QRICH2: variants seen among roughly 807,000 people sequenced by gnomAD.
QRICH2 encodes the protein glutamine rich 2.
A neutral mutation model predicts 168.3 loss-of-function variants in QRICH2; 119 were observed. That is an observed-to-expected ratio of 0.71 (90% CI 0.61 to 0.82). The LOEUF (loss-of-function observed/expected upper bound fraction) is 0.82, where lower values mean the gene tolerates loss of function less well. Among genes scored for constraint, QRICH2 ranks in the 40% least tolerant of loss-of-function variants. QRICH2 has a pLI of 0.00. For missense variants in QRICH2, 2,241 were observed against 2,491.6 expected (o/e 0.90, Z 2.14); for synonymous variants, 894 against 951.2 (o/e 0.94, Z 1.11).
intron 6 of QRICH2, 54 bp downstream of exon 6, chr17:76,287,746 G>T: frequency 7.3e-7 from 1 of 1,372,906 alleles, no homozygotes; most frequent in Non-Finnish European, 1.0e-6. Flanking sequence ...TCACCTCCTT[G>T]GCTGAGAATT....
At chr17:76,284,765 C>T (rs934446169) in intron 7 of QRICH2, among the ~76,000 whole-genome samples, 33 of 151,176 alleles carry the variant, frequency 2.2e-4, no homozygotes, top group African/African-American at 8.0e-4. Flanking sequence ...TTGCAGTGAG[C>T]TGAGATTGCG....
At chr17:76,287,969 G>T in intron 5 of QRICH2, 72 bp from the exon 6 acceptor site, 1 of 1,193,562 alleles carries the variant, frequency 8.4e-7, no homozygotes. Context: ...CTTGCATGCA[G>T]CTCATGCCAG....
At chr17:76,288,149 C>T (rs1478801021) in intron 5 of QRICH2, among the ~76,000 whole-genome samples, 11 of 151,774 alleles carry the variant, frequency 7.2e-5, no homozygotes, top group South Asian at 2.1e-4. Context: ...TTTGAGAGGC[C>T]GAGGCGGGTG....
chr17:76,291,370 T>C lies in QRICH2; in HGVS notation c.3357A>G (p.Leu1119=). 6.2e-7 allele frequency: 1 copy of C among 1,614,050 alleles called. No individual in the cohort carries two copies. The highest frequency in any genetic ancestry group is 1.1e-5 in the South Asian group (1 of 91,078). ...CTTCCTGGCCATGCTGATCAGCACT[T>C]AGATACCCTGGGCCACGATAACCAG... The part of the protein sequence containing the change: ...MYPGYRGPGY[L]SADQHGQEGL... The change falls in exon 4 of 19, where the codon CTA becomes CTG. Residue 1119 remains leucine (L), a synonymous_variant. Transcript: ENST00000680821.
rs764066546 is a variant in QRICH2 at position 76,291,283 on chromosome 17, T to C, written c.3444A>G (p.Pro1148=). ...DRHGIPAQKA[P]GQDVTLFRSP... ...TCCTGAAAAGAGTGACATCTTGGCC[T>C]GGGGCCTTCTGGGCAGGAATTCCAT... The change falls in exon 4 of 19, where the codon CCA becomes CCG. Residue 1148 remains proline (P), a synonymous_variant. Coordinates refer to ENST00000680821, the MANE Select transcript of QRICH2 (RefSeq NM_001388453.1). 5 of 1,614,080 alleles carry C rather than the reference T, an allele frequency of 3.1e-6. No individual in the cohort carries two copies. The highest frequency in any genetic ancestry group is 4.2e-6 in the Non-Finnish European group (5 of 1,180,038).
In QRICH2 at chr17:76,307,444, T is replaced by G; in HGVS notation, c.534+21A>C. The G allele has an allele frequency of 6.2e-7, 1 of 1,613,142 alleles. No individual in the cohort carries two copies. The highest frequency in any genetic ancestry group is 8.5e-7 in the Non-Finnish European group (1 of 1,179,522). ...CTGGAGGAGGCAGACGGCCTGCGCG[T>G]GCCTCCGTGTGCGTGCTCACCCTGG... On this transcript the variant is annotated intron_variant, in intron 1 of 18. Transcript: ENST00000680821. The surrounding 1 kb of genome is among the most constrained non-coding windows in gnomAD (Gnocchi z 5.3).
At position 76,275,835 on chromosome 17, in the gene QRICH2, C is replaced by G; in HGVS notation, c.5466G>C (p.Ser1822=). Residue 1822 remains serine, a synonymous_variant, in exon 18 of 19, where the codon TCG becomes TCC. Transcript: ENST00000680821. ...LPSRPQSAQI[S]AGNTSVSSRQ... ...GGAAGCTACCTGAGGTGTTGCCAGC[C>G]GAAATCTGGGCGCTCTGTGGCCGAG... 2 of 1,606,714 alleles carry G rather than the reference C, an allele frequency of 1.2e-6. No individual in the cohort carries two copies. Among genetic ancestry groups the G allele is most frequent in the Non-Finnish European group, 1.7e-6 (2 of 1,179,846 alleles).
At chr17:76,288,932 A>C (rs1445095698) in intron 5 of QRICH2, among the ~76,000 whole-genome samples, 1 of 151,330 alleles carries the variant, frequency 6.6e-6, no homozygotes, top group Non-Finnish European at 1.5e-5. Flanking sequence ...GTGAAACCCC[A>C]TCTCTACTAA....
chr17:76,290,932 G>A, intron 4 of QRICH2, 83 bp downstream of exon 4: 1 of 1,546,978 alleles, frequency 6.5e-7, no homozygotes, highest in Non-Finnish European at 8.7e-7. Context: ...TAGCAGCCAG[G>A]AGTTGAGGCC....
chr17:76,280,739 C>T lies in QRICH2; in HGVS notation c.4387-11G>A. 6.2e-7 allele frequency: 1 copy of T among 1,614,106 alleles called. No homozygotes were observed. Among genetic ancestry groups the T allele is most frequent in the Non-Finnish European group, 8.5e-7 (1 of 1,180,018 alleles). On this transcript the variant is annotated splice_polypyrimidine_tract_variant and intron_variant, in intron 9 of 18. Coordinates refer to ENST00000680821, the MANE Select transcript of QRICH2 (RefSeq NM_001388453.1). The surrounding 1 kb of genome is among the most constrained non-coding windows in gnomAD (Gnocchi z 7.4). ...ACCCTGGTACAGCATCTGGGGAGGCCAAGTGAACAGAGAAAAAAAGAGCCA... is the reference window on the plus strand; with the variant it reads ...ACCCTGGTACAGCATCTGGGGAGGCTAAGTGAACAGAGAAAAAAAGAGCCA...
At chr17:76,298,958 C>T (rs1354145876) in intron 3 of QRICH2, among the ~76,000 whole-genome samples, 1 of 152,014 alleles carries the variant, frequency 6.6e-6, no homozygotes, top group East Asian at 1.9e-4. Context: ...TTCAAACTTT[C>T]TTTACAGTCT....
In QRICH2 at chr17:76,292,651, T is replaced by G; in HGVS notation, c.2076A>C (p.Gln692His). 6.2e-7 allele frequency: 1 copy of G among 1,613,322 alleles called. No individual in the cohort carries two copies. Among genetic ancestry groups the G allele is most frequent in the Non-Finnish European group, 8.5e-7 (1 of 1,179,840 alleles). The change falls in exon 4 of 19, where the codon CAA (glutamine) becomes CAC (histidine). Residue 692 changes from glutamine (Q) to histidine (H), a missense_variant. Around this residue, in one of 3 missense-constraint regions of QRICH2, gnomAD observed 2,047 missense variants for 2,303.8 expected, o/e 0.89. Coordinates refer to ENST00000680821, the MANE Select transcript of QRICH2 (RefSeq NM_001388453.1). ...CCACATCAATCTGATCTGCACCAGG[T>G]TGGACCAAGCCAGGCTGATATGCAC... ...QPGAYQPGLV[Q>H]PGADQIDVVQ...
Position 76,275,975 on chromosome 17 carries a change from G to A in QRICH2, c.5354-28C>T, listed in dbSNP as rs376988639. The A allele has an allele frequency of 1.3e-5, 21 of 1,600,864 alleles. No homozygotes were observed. The East Asian group carries it at 4.0e-4, about 31-fold the overall frequency. ...GATGGGGGACAGGAGGGAAGGGTCA[G>A]TGCTGAGGCAGCGGTGAGAGCTCTG... is the stretch of plus-strand genomic sequence containing the variant. On this transcript the variant is annotated intron_variant, in intron 17 of 18. Transcript: ENST00000680821.
In QRICH2 at chr17:76,291,872, G is replaced by A. The variant is rs745781555; in HGVS notation, c.2855C>T (p.Ser952Phe). ...ACCACGTGGATATGTCCCAGATTGAGATAAATCATGCAAATATGCACCAGG... is the reference window on the plus strand; with the variant it reads ...ACCACGTGGATATGTCCCAGATTGAAATAAATCATGCAAATATGCACCAGG... The part of the protein sequence containing the change: ...VQPGAYLHDL[S>F]QSGTYPRGLV... Residue 952 changes from serine to phenylalanine, a missense_variant, in exon 4 of 19, where the codon TCT becomes TTT. Coordinates refer to ENST00000680821, the MANE Select transcript of QRICH2 (RefSeq NM_001388453.1). 2 of 1,614,012 alleles carry A rather than the reference G, an allele frequency of 1.2e-6. No homozygotes were observed. The highest frequency in any genetic ancestry group is 1.7e-6 in the Non-Finnish European group (2 of 1,180,020).
rs925765510 is a variant in QRICH2 at position 76,307,122 on chromosome 17, T to C, written c.534+343A>G. ...TCTGGGTCCTTGGATGTCTGATAAG[T>C]GGTGGGCGAACCTCTCCCGTAAACA... On this transcript the variant is annotated intron_variant, in intron 1 of 18. Transcript: ENST00000680821. This position sits in a 1 kb window ranked among gnomAD's most constrained non-coding sequence, Gnocchi z 5.3. Among the ~76,000 whole-genome samples the C allele has an allele frequency of 6.6e-6, 1 of 151,286 alleles. No homozygotes were observed. Among genetic ancestry groups the C allele is most frequent in the South Asian group, 2.1e-4 (1 of 4,798 alleles).
At chr17:76,284,168 CAAAAAAAAA>C (rs61553346) in intron 7 of QRICH2, among the ~76,000 whole-genome samples, 24,261 of 62,550 alleles carry the variant, frequency 0.39, 3,999 homozygotes, top group East Asian at 0.67. Flanking sequence ...ACTCTGTCTC[CAAAAAAAAA>C]AAAAAAAAAA....
intron 7 of QRICH2, among the ~76,000 whole-genome samples, chr17:76,284,519 C>A (rs1031717280): frequency 8.0e-6 from 1 of 125,636 alleles, no homozygotes; most frequent in Non-Finnish European, 1.5e-5. Flanking sequence ...TATATTTTAT[C>A]TCTAAAGAAA....
intron 4 of QRICH2, 31 bp downstream of exon 4, chr17:76,290,984 G>A: frequency 6.3e-7 from 1 of 1,597,142 alleles, no homozygotes; most frequent in Non-Finnish European, 8.6e-7. Context: ...CAGAGACAAT[G>A]GTTTCTCCTC....
At position 76,307,672 on chromosome 17, in the gene QRICH2, C is replaced by G; in HGVS notation, c.327G>C (p.Gln109His). The G allele has an allele frequency of 6.8e-7, 1 of 1,460,026 alleles. No homozygotes were observed. Among genetic ancestry groups the G allele is most frequent in the East Asian group, 2.5e-5 (1 of 39,518 alleles). The allele number at this position is 1,460,026 out of a possible 1,614,324, so 90.4% of individuals were successfully genotyped here. The change falls in exon 1 of 19, where the codon CAG becomes CAC. Residue 109 changes from glutamine (Q) to histidine (H), a missense_variant. Physicochemically the swap from Gln to His is conservative, Grantham distance 24. Coordinates refer to ENST00000680821, the MANE Select transcript of QRICH2 (RefSeq NM_001388453.1). This position sits in a 1 kb window ranked among gnomAD's most constrained non-coding sequence, Gnocchi z 5.3. Reference protein sequence around the residue: ...LESQVKDLGGQVEDLSKQLKR... With the variant: ...LESQVKDLGGHVEDLSKQLKR... ...TGAGCTGCTTGCTCAGGTCCTCCAC[C>G]TGGCCGCCCAGGTCCTTCACTTGGC...
Sources: allele counts gnomAD v4.1 joint callset (sites outside exome capture counted in the v4.1 genomes callset), GRCh38; gene constraint gnomAD v4.1.1; regional missense constraint gnomAD v4.1.1; non-coding constraint Gnocchi (gnomAD v3.1); transcripts MANE v1.5; gene names NCBI Gene and HGNC (gene_info 2026-07-23, HGNC 2026-07-21).